NSG2: variants seen among roughly 807,000 people sequenced by gnomAD.
The protein encoded by NSG2 is neuronal vesicle trafficking-associated protein 2.
NSG2 carries 4 observed loss-of-function variants against 16.9 expected under a neutral mutation model. That is an observed-to-expected ratio of 0.24 (90% CI 0.12 to 0.54). The LOEUF (loss-of-function observed/expected upper bound fraction) is 0.54. NSG2 is among the 20% of genes least tolerant of loss of function. NSG2 has a pLI of 0.95. For synonymous variants in NSG2, 98 were observed against 88.7 expected (o/e 1.11, Z -0.59); for missense variants, 179 against 221.1 (o/e 0.81, Z 1.21).
chr5:174,051,656 G>A (rs182944719), intron 2 of NSG2, among the ~76,000 whole-genome samples: 1 of 152,298 alleles, frequency 6.6e-6, no homozygotes, highest in East Asian at 1.9e-4. Context: ...TAGGTACACA[G>A]CAATGAAAAG....
At position 174,109,167 on chromosome 5, in the gene NSG2, G is replaced by T. The variant is rs965418656; in HGVS notation, c.*1662G>T. 8.5e-5 allele frequency: 13 copies of T among 152,812 alleles called. No homozygotes were observed. Among genetic ancestry groups the T allele is most frequent in the Non-Finnish European group, 1.6e-4 (11 of 68,052 alleles). 9.5% of individuals were successfully genotyped at this position (152,812 alleles called of 1,614,324 possible). A position where few individuals can be genotyped will look rare whatever the true frequency, so the allele number is the denominator to read the frequency against. ...TTCTGACAGGAAACAAATAAAGATA[G>T]ATGTGTCTGAGAGTCTTGACCTTCC... On this transcript the variant is annotated 3_prime_UTR_variant, in exon 5 of 5. Transcript: ENST00000303177.
intron 3 of NSG2, among the ~76,000 whole-genome samples, chr5:174,101,068 TGCACGA>T (rs1760890293): frequency 6.6e-6 from 1 of 152,204 alleles, no homozygotes; most frequent in African/African-American, 2.4e-5. Flanking sequence ...CTCCTGAGCA[TGCACGA>T]GCTCGACAGC....
intron 3 of NSG2, among the ~76,000 whole-genome samples, chr5:174,096,101 G>A (rs1168662948): frequency 6.6e-6 from 1 of 152,214 alleles, no homozygotes; most frequent in Non-Finnish European, 1.5e-5. Context: ...TACCTCATAG[G>A]GCTGTTGTAA....
chr5:174,096,793 C>T (rs1032375612), intron 3 of NSG2, among the ~76,000 whole-genome samples: 3 of 152,058 alleles, frequency 2.0e-5, no homozygotes, highest in Non-Finnish European at 4.4e-5. Context: ...AGGCATGGCT[C>T]TGGGGGAAAA....
rs143959852 is a variant in NSG2, at chr5:174,090,849, G to A, written c.214-13379G>A. On this transcript the variant is annotated intron_variant, in intron 3 of 4. Transcript: ENST00000303177. ...GAGATACTGCTGGGTGTGCTAGACTGTGGTATTAGCAGAATTATTCTTATC... is the reference window on the plus strand; with the variant it reads ...GAGATACTGCTGGGTGTGCTAGACTATGGTATTAGCAGAATTATTCTTATC... Among the ~76,000 whole-genome samples the A allele has an allele frequency of 4.0e-4, 61 of 152,330 alleles. No homozygotes were observed. In the East Asian group the frequency reaches 4.0e-3, roughly 10 times the overall value.
At chr5:174,101,966 C>A (rs562257732) in intron 3 of NSG2, among the ~76,000 whole-genome samples, 7 of 152,296 alleles carry the variant, frequency 4.6e-5, no homozygotes, top group African/African-American at 1.7e-4. Flanking sequence ...TGATACCGGA[C>A]TGATCTCTGC....
At chr5:174,097,859 GTGTGTA>G (rs1357887845) in intron 3 of NSG2, among the ~76,000 whole-genome samples, 52 of 151,154 alleles carry the variant, frequency 3.4e-4, no homozygotes, top group Middle Eastern at 3.4e-3. Flanking sequence ...GTGTGTGTGT[GTGTGTA>G]TGAGTGTCTG....
At chr5:174,062,158 C>T (rs893888342) in intron 2 of NSG2, among the ~76,000 whole-genome samples, 30 of 152,022 alleles carry the variant, frequency 2.0e-4, no homozygotes, top group African/African-American at 7.0e-4. Flanking sequence ...AACAATCCAA[C>T]GAGGTGGTCA....
chr5:174,106,182 T>C (rs1265809063), intron 4 of NSG2, among the ~76,000 whole-genome samples: 1 of 152,174 alleles, frequency 6.6e-6, no homozygotes, highest in Admixed American at 6.5e-5. Flanking sequence ...ATAAAAATGG[T>C]TCATCAGGAG....
Position 174,107,662 on chromosome 5 carries a change from G to A in NSG2, c.*157G>A. On this transcript the variant is annotated 3_prime_UTR_variant, in exon 5 of 5. Coordinates refer to ENST00000303177, the MANE Select transcript of NSG2 (RefSeq NM_015980.5). This position sits in a 1 kb window ranked among gnomAD's most constrained non-coding sequence, Gnocchi z 4.5. Reference sequence around the variant, plus strand: ...GAAGAACGCACCAAAAACGTGGTGTGTGCTGGAGTTGTCTGAACCGATATT... The same window carrying A: ...GAAGAACGCACCAAAAACGTGGTGTATGCTGGAGTTGTCTGAACCGATATT... The A allele has an allele frequency of 2.6e-6, 2 of 769,298 alleles. No individual in the cohort carries two copies. Among genetic ancestry groups the A allele is most frequent in the Non-Finnish European group, 2.2e-6 (1 of 446,396 alleles). 47.7% of individuals were successfully genotyped at this position (769,298 alleles called of 1,614,324 possible). A position where few individuals can be genotyped will look rare whatever the true frequency, so the allele number is the denominator to read the frequency against.
intron 2 of NSG2, among the ~76,000 whole-genome samples, chr5:174,050,123 C>G (rs1003913186): frequency 2.0e-5 from 3 of 152,160 alleles, no homozygotes; most frequent in East Asian, 1.9e-4. Flanking sequence ...AGAGTGAGCC[C>G]TGACACAGCT....
chr5:174,068,457 C>G (rs1760179764), intron 3 of NSG2, among the ~76,000 whole-genome samples: 1 of 152,188 alleles, frequency 6.6e-6, no homozygotes, highest in South Asian at 2.1e-4. Context: ...AAGGGGTTCT[C>G]TAAAACTGAT....
At chr5:174,061,056 T>G (rs987762427) in intron 2 of NSG2, among the ~76,000 whole-genome samples, 1 of 152,110 alleles carries the variant, frequency 6.6e-6, no homozygotes, top group African/African-American at 2.4e-5. Flanking sequence ...AAGCAATTAT[T>G]ACCCCAAGGC....
At chr5:174,047,587 G>A (rs552408498) in intron 2 of NSG2, among the ~76,000 whole-genome samples, 1 of 152,310 alleles carries the variant, frequency 6.6e-6, no homozygotes, top group Admixed American at 6.5e-5. Context: ...TTAAGGCAAA[G>A]GGCACACATA....
chr5:174,087,964 TTCTG>T (rs1760659762), intron 3 of NSG2, among the ~76,000 whole-genome samples: 1 of 152,148 alleles, frequency 6.6e-6, no homozygotes, highest in African/African-American at 2.4e-5. Flanking sequence ...AGGTCTCTAA[TTCTG>T]TCTAATTGAG....
In NSG2 at chr5:174,052,170, C is replaced by T. The variant is rs1398171370; in HGVS notation, c.129+5286C>T. ...TCCACGCAGCACCAGATTAGTGTCC[C>T]CCAAAACAGGGGTGACTGAGTTGCC... On this transcript the variant is annotated intron_variant, in intron 2 of 4. Transcript: ENST00000303177. Among the ~76,000 whole-genome samples, 5 of 152,208 alleles carry T rather than the reference C, an allele frequency of 3.3e-5. No individual in the cohort carries two copies. In the East Asian group the frequency reaches 9.7e-4, roughly 29 times the overall value.
chr5:174,089,432 A>G (rs992438505), intron 3 of NSG2, among the ~76,000 whole-genome samples: 1 of 152,000 alleles, frequency 6.6e-6, no homozygotes, highest in Non-Finnish European at 1.5e-5. Flanking sequence ...TTCCATGTCT[A>G]GTGTCAGGCT....
intron 3 of NSG2, chr5:174,082,339 T>C (rs185258774): frequency 6.6e-6 from 1 of 152,380 alleles, no homozygotes; most frequent in Admixed American, 6.5e-5. Context: ...CTTCTGTTTA[T>C]GTGAATTTGA....
chr5:174,088,637 C>T (rs1445552178), intron 3 of NSG2, among the ~76,000 whole-genome samples: 1 of 152,184 alleles, frequency 6.6e-6, no homozygotes, highest in East Asian at 1.9e-4. Flanking sequence ...GATCCTAAGG[C>T]ATGTTCCTTC....
Sources: allele counts gnomAD v4.1 joint callset (sites outside exome capture counted in the v4.1 genomes callset), GRCh38; gene constraint gnomAD v4.1.1; non-coding constraint Gnocchi (gnomAD v3.1); transcripts MANE v1.5; gene names NCBI Gene and HGNC (gene_info 2026-07-23, HGNC 2026-07-21).